NIM1K: variants seen among roughly 807,000 people sequenced by gnomAD.
The protein encoded by NIM1K is NIM1 serine/threonine protein kinase.
A neutral mutation model predicts 37.1 loss-of-function variants in NIM1K; 35 were observed. The ratio of observed to expected loss-of-function variants is 0.94; its 90% CI spans 0.72 to 1.25. NIM1K has a LOEUF of 1.25. Among genes scored for constraint, NIM1K ranks in the 50% most tolerant of loss-of-function variants. NIM1K has a pLI of 0.00. For synonymous variants in NIM1K, 234 were observed against 206.6 expected, an observed-to-expected ratio of 1.13 and a Z score of -1.14; for missense variants, 564 against 548.0, an observed-to-expected ratio of 1.03 and a Z score of -0.29.
chr5:43,192,635 G>A (rs1751850327), intron 1 of NIM1K, among the ~76,000 whole-genome samples: 1 of 152,238 alleles, frequency 6.6e-6, no homozygotes. Flanking sequence ...GCAAGCGAGA[G>A]GAGGGGGCAT....
At chr5:43,232,953 T>A in intron 1 of NIM1K, 2 of 1,125,660 alleles carry the variant, frequency 1.8e-6, no homozygotes, top group Non-Finnish European at 2.7e-6. Context: ...CATCATCAAT[T>A]ACCATGGGTT....
chr5:43,273,000 G>A (rs757860261), intron 2 of NIM1K, among the ~76,000 whole-genome samples: 25 of 152,186 alleles, frequency 1.6e-4, no homozygotes, highest in Middle Eastern at 3.4e-3. Flanking sequence ...TGTGTTGCCC[G>A]CTAGGTGGGA....
In NIM1K at chr5:43,280,291, G is replaced by A. The variant is rs2111574657; in HGVS notation, c.873G>A (p.Pro291=). ...TCCTCGAGGGCACATACAGTGTACC[G>A]CCGCACGTGTCAGAGCCCTGCCACC... ...KSILEGTYSV[P]PHVSEPCHRL... The change falls in exon 4 of 4, where the codon CCG becomes CCA. Residue 291 remains proline, a synonymous_variant. Transcript: ENST00000326035. The A allele has an allele frequency of 1.2e-6, 2 of 1,614,092 alleles. No individual in the cohort carries two copies. Among genetic ancestry groups the A allele is most frequent in the Non-Finnish European group, 1.7e-6 (2 of 1,180,010 alleles).
At chr5:43,218,713 TTTC>T (rs918543738) in intron 1 of NIM1K, among the ~76,000 whole-genome samples, 2 of 138,236 alleles carry the variant, frequency 1.4e-5, no homozygotes, top group African/African-American at 2.8e-5. Context: ...GGATCAAATT[TTTC>T]TTCTTTTCTT....
intron 1 of NIM1K, among the ~76,000 whole-genome samples, chr5:43,229,939 A>G (rs1752514061): frequency 6.7e-6 from 1 of 149,696 alleles, no homozygotes; most frequent in African/African-American, 2.5e-5. Context: ...GCCTAATTTT[A>G]GCCTCTTTTT....
intron 1 of NIM1K, among the ~76,000 whole-genome samples, chr5:43,215,813 T>C (rs1169030286): frequency 1.3e-5 from 2 of 152,230 alleles, no homozygotes; most frequent in Admixed American, 6.5e-5. Context: ...TTCATGATTC[T>C]TGTTCTTTAG....
intron 2 of NIM1K, among the ~76,000 whole-genome samples, chr5:43,257,316 T>G (rs1009410904): frequency 2.0e-5 from 3 of 150,932 alleles, no homozygotes; most frequent in African/African-American, 7.3e-5. Context: ...ATCTCTTGGG[T>G]TCAAGAGAGG....
At chr5:43,203,880 G>T (rs551611608) in intron 1 of NIM1K, among the ~76,000 whole-genome samples, 1 of 151,814 alleles carries the variant, frequency 6.6e-6, no homozygotes, top group East Asian at 2.0e-4. Flanking sequence ...ACAAAAATTA[G>T]CTGGGCATGG....
At chr5:43,266,356 A>T (rs958621238) in intron 2 of NIM1K, among the ~76,000 whole-genome samples, 1 of 152,202 alleles carries the variant, frequency 6.6e-6, no homozygotes, top group African/African-American at 2.4e-5. Flanking sequence ...GCCACCTTGC[A>T]GTTCAATCTC....
rs534249915 is a variant in NIM1K, at chr5:43,250,088, G to A, written c.292+4021G>A. ...AGGATGGTCTCGATCTCCTGACCTCGTGATCTGCCCGCCTCGGCCTCCCAA... is the reference window on the plus strand; with the variant it reads ...AGGATGGTCTCGATCTCCTGACCTCATGATCTGCCCGCCTCGGCCTCCCAA... On this transcript the variant is annotated intron_variant, in intron 2 of 3. Coordinates refer to ENST00000326035, the MANE Select transcript of NIM1K (RefSeq NM_153361.4). 3.4e-4 allele frequency among the ~76,000 whole-genome samples: 51 copies of A among 151,868 alleles called. 1 individual carries two copies. In the South Asian group the frequency reaches 5.2e-3, roughly 16 times the overall value.
At chr5:43,242,643 TA>T (rs1752720852) in intron 1 of NIM1K, among the ~76,000 whole-genome samples, 1 of 151,848 alleles carries the variant, frequency 6.6e-6, no homozygotes, top group South Asian at 2.1e-4. Flanking sequence ...TGTTAGTAGT[TA>T]AAAAACAAAA....
At chr5:43,255,718 C>T (rs1320898646) in intron 2 of NIM1K, among the ~76,000 whole-genome samples, 3 of 140,302 alleles carry the variant, frequency 2.1e-5, no homozygotes, top group Non-Finnish European at 3.0e-5. Flanking sequence ...CACTGTACTC[C>T]AGCCTGGTGA....
chr5:43,256,137 G>A (rs1752942386), intron 2 of NIM1K, among the ~76,000 whole-genome samples: 1 of 152,184 alleles, frequency 6.6e-6, no homozygotes, highest in Non-Finnish European at 1.5e-5. Context: ...GGAGCCATCA[G>A]AGGGAACTGG....
At chr5:43,212,508 G>A (rs970788302) in intron 1 of NIM1K, among the ~76,000 whole-genome samples, 1 of 151,598 alleles carries the variant, frequency 6.6e-6, no homozygotes, top group Non-Finnish European at 1.5e-5. Flanking sequence ...TTTCAGCACC[G>A]TCGTCATGAG....
chr5:43,201,615 T>A (rs964676079), intron 1 of NIM1K, among the ~76,000 whole-genome samples: 17 of 132,556 alleles, frequency 1.3e-4, no homozygotes, highest in Non-Finnish European at 2.7e-4. Context: ...GCCAAATATA[T>A]TTTTTTTTGC....
chr5:43,210,792 T>G (rs1752192287), intron 1 of NIM1K, among the ~76,000 whole-genome samples: 1 of 152,208 alleles, frequency 6.6e-6, no homozygotes, highest in African/African-American at 2.4e-5. Flanking sequence ...TTAACATGTA[T>G]GCACGGAGGC....
intron 1 of NIM1K, among the ~76,000 whole-genome samples, chr5:43,200,595 C>T (rs997986541): frequency 6.6e-6 from 1 of 152,196 alleles, no homozygotes; most frequent in African/African-American, 2.4e-5. Context: ...CCACTGCGCC[C>T]GGCCAGTAGT....
At chr5:43,231,474 A>G (rs532249287) in intron 1 of NIM1K, among the ~76,000 whole-genome samples, 1 of 152,312 alleles carries the variant, frequency 6.6e-6, no homozygotes, top group East Asian at 1.9e-4. Flanking sequence ...TGAATCGTTT[A>G]CCTTTTCCCA....
chr5:43,249,244 T>A (rs1752832927), intron 2 of NIM1K, among the ~76,000 whole-genome samples: 1 of 151,902 alleles, frequency 6.6e-6, no homozygotes, highest in Admixed American at 6.6e-5. Context: ...TAATTTTTTG[T>A]ATTTTTAGTA....
Sources: gnomAD v4.1 joint callset for allele counts (sites outside exome capture counted in the v4.1 genomes callset) on GRCh38, gnomAD v4.1.1 for gene constraint, MANE v1.5 for transcripts, NCBI Gene and HGNC (gene_info 2026-07-23, HGNC 2026-07-21) for gene names.